The following VPS54 variants were observed in gnomAD, a reference collection of about 807,000 sequenced individuals.
VPS54 encodes VPS54 subunit of GARP complex, also known as vacuolar protein sorting-associated protein 54.
VPS54 carries 45 observed loss-of-function variants against 121.5 expected under a neutral mutation model. That is an observed-to-expected ratio of 0.37 (90% CI 0.29 to 0.47). The LOEUF is 0.47. VPS54 is among the 20% of genes least tolerant of loss of function. The probability of loss-of-function intolerance (pLI) is 0.99; values close to 1 mark genes in which losing one functional copy is unlikely to be tolerated. For synonymous variants in VPS54, 371 were observed against 385.8 expected (o/e 0.96, Z 0.45); for missense variants, 1,090 against 1,131.4 (o/e 0.96, Z 0.52).
chr2:63,909,870 G>C (rs1673072276), intron 20 of VPS54, among the ~76,000 whole-genome samples: 1 of 150,970 alleles, frequency 6.6e-6, no homozygotes, highest in Non-Finnish European at 1.5e-5. Flanking sequence ...GATTACAGGT[G>C]CCCACCACCA....
intron 1 of VPS54, among the ~76,000 whole-genome samples, chr2:64,010,473 C>T (rs1182961203): frequency 6.6e-6 from 1 of 152,184 alleles, no homozygotes; most frequent in Non-Finnish European, 1.5e-5. Context: ...TCTGCCCCCT[C>T]CTTTCTCCAC....
intron 9 of VPS54, among the ~76,000 whole-genome samples, chr2:63,944,873 A>G (rs1364861525): frequency 6.6e-6 from 1 of 152,212 alleles, no homozygotes; most frequent in African/African-American, 2.4e-5. Flanking sequence ...GCTATTACTA[A>G]AAAGTCAACA....
intron 1 of VPS54, among the ~76,000 whole-genome samples, chr2:63,992,344 C>T (rs1677366975): frequency 6.6e-6 from 1 of 152,190 alleles, no homozygotes; most frequent in Admixed American, 6.5e-5. Context: ...AACATTCCAC[C>T]TAACTCTTAT....
intron 12 of VPS54, among the ~76,000 whole-genome samples, chr2:63,927,898 G>A (rs906216943): frequency 6.6e-6 from 1 of 152,140 alleles, no homozygotes; most frequent in Non-Finnish European, 1.5e-5. Context: ...CAATCAAGTG[G>A]AAGAAAGGGT....
chr2:63,933,086 TA>T (rs1674288998), intron 12 of VPS54, among the ~76,000 whole-genome samples: 1 of 152,246 alleles, frequency 6.6e-6, no homozygotes, highest in East Asian at 1.9e-4. Context: ...TGCAATGTGG[TA>T]AAGTATTAAC....
At chr2:64,002,531 A>G (rs1677935162) in intron 1 of VPS54, among the ~76,000 whole-genome samples, 1 of 152,176 alleles carries the variant, frequency 6.6e-6, no homozygotes, top group Non-Finnish European at 1.5e-5. Context: ...GATAAATTAG[A>G]TATTCATTCT....
intron 4 of VPS54, among the ~76,000 whole-genome samples, chr2:63,970,600 C>T (rs1162285286): frequency 2.0e-5 from 3 of 152,118 alleles, no homozygotes; most frequent in Non-Finnish European, 4.4e-5. Context: ...AAGGAGACTT[C>T]TCAGTGTACA....
At chr2:63,921,424 C>A in intron 12 of VPS54, 89 bp from the exon 13 acceptor site, 2 of 1,414,166 alleles carry the variant, frequency 1.4e-6, no homozygotes, top group South Asian at 3.0e-5. Context: ...GATGAAAAAG[C>A]TGTAAAATTC....
intron 7 of VPS54, among the ~76,000 whole-genome samples, chr2:63,955,446 G>A (rs1675448781): frequency 6.6e-6 from 1 of 151,874 alleles, no homozygotes; most frequent in African/African-American, 2.4e-5. Context: ...ATGGTGGGAG[G>A]TCCATATGAC....
At chr2:63,983,793 T>C in intron 2 of VPS54, 71 bp downstream of exon 2, 7 of 1,507,004 alleles carry the variant, frequency 4.6e-6, no homozygotes, top group Non-Finnish European at 6.2e-6. Context: ...CGTTGGTATA[T>C]AAAACCTGAC....
At position 63,944,586 on chromosome 2, in the gene VPS54, A is replaced by G. The variant is rs766440655; in HGVS notation, c.1301+14T>C. On this transcript the variant is annotated intron_variant, in intron 10 of 22. Coordinates refer to ENST00000272322, the MANE Select transcript of VPS54 (RefSeq NM_016516.3). The stretch of plus-strand genomic sequence containing the variant: ...CTCTGACTGATAACCACCAACCTAT[A>G]TATTTATACTTACTTCACAACAACA... 4 of 1,599,504 alleles carry G rather than the reference A, an allele frequency of 2.5e-6. No homozygotes were observed. Among genetic ancestry groups the G allele is most frequent in the South Asian group, 2.2e-5 (2 of 89,688 alleles).
chr2:63,994,802 T>C (rs550633678), intron 1 of VPS54, among the ~76,000 whole-genome samples: 18 of 152,334 alleles, frequency 1.2e-4, no homozygotes, highest in South Asian at 6.2e-4. Context: ...TTTGGGAAGA[T>C]TGTGTTAACT....
intron 1 of VPS54, among the ~76,000 whole-genome samples, chr2:64,013,717 TAGAG>T (rs983073130): frequency 1.4e-5 from 2 of 147,446 alleles, no homozygotes; most frequent in South Asian, 2.1e-4. Flanking sequence ...ATATATCATA[TAGAG>T]AGATATATAT....
chr2:63,944,453 C>T (rs962226982), intron 10 of VPS54, 147 bp downstream of exon 10: 28 of 774,154 alleles, frequency 3.6e-5, no homozygotes, highest in Non-Finnish European at 4.8e-5. Context: ...GCACTGTCTT[C>T]GTTCCACACT....
chr2:64,016,454 T>G (rs1367732618), intron 1 of VPS54, among the ~76,000 whole-genome samples: 20 of 152,078 alleles, frequency 1.3e-4, no homozygotes, highest in Non-Finnish European at 2.8e-4. Flanking sequence ...AGACAGAAAG[T>G]AGACTAGTGG....
intron 1 of VPS54, among the ~76,000 whole-genome samples, chr2:64,017,439 A>G (rs1678761649): frequency 6.6e-6 from 1 of 152,224 alleles, no homozygotes; most frequent in African/African-American, 2.4e-5. Flanking sequence ...TAATTCTGAC[A>G]CAAAAAATTA....
chr2:64,009,996 C>T (rs1425599718), intron 1 of VPS54, among the ~76,000 whole-genome samples: 1 of 152,034 alleles, frequency 6.6e-6, no homozygotes, highest in Non-Finnish European at 1.5e-5. Flanking sequence ...CGCCTGTCAC[C>T]TTGCCTGCCT....
chr2:63,996,662 T>C (rs1677609477), intron 1 of VPS54, among the ~76,000 whole-genome samples: 7 of 152,166 alleles, frequency 4.6e-5, no homozygotes, highest in Admixed American at 4.6e-4. Context: ...TTAACAGCCC[T>C]GGGAAAAGAA....
intron 11 of VPS54, among the ~76,000 whole-genome samples, chr2:63,939,380 C>CA (rs1057212856): frequency 1.6e-4 from 24 of 150,292 alleles, no homozygotes; most frequent in Middle Eastern, 6.8e-3. Context: ...CAAAAAAAAA[C>CA]AAAAAAACAA....
Sources: allele counts gnomAD v4.1 joint callset (sites outside exome capture counted in the v4.1 genomes callset), GRCh38; gene constraint gnomAD v4.1.1; transcripts MANE v1.5; gene names NCBI Gene and HGNC (gene_info 2026-07-23, HGNC 2026-07-21).